The following DNAH14 variants were observed in gnomAD, a reference collection of about 807,000 sequenced individuals.
The protein encoded by DNAH14 is axonemal beta dynein heavy chain 14.
In DNAH14, 478 loss-of-function variants were observed where a neutral mutation model predicts 520.9. The observed-to-expected ratio is 0.92, with a 90% CI of 0.85 to 0.99. DNAH14 has a LOEUF of 0.99. DNAH14 is among the 50% of genes least tolerant of loss of function. DNAH14 has a pLI of 0.00. For missense variants in DNAH14, 4,831 were observed against 5,234.5 expected, an observed-to-expected ratio of 0.92 and a Z score of 2.38; for synonymous variants, 1,581 against 1,757.2, an observed-to-expected ratio of 0.90 and a Z score of 2.51.
chr1:225,150,709 T>C (rs563208245), intron 31 of DNAH14, among the ~76,000 whole-genome samples: 1 of 150,562 alleles, frequency 6.6e-6, no homozygotes, highest in Non-Finnish European at 1.5e-5. Flanking sequence ...TATTATCTGA[T>C]GGTTATTTGT....
At chr1:225,055,787 T>C (rs112424281) in intron 17 of DNAH14, among the ~76,000 whole-genome samples, 7 of 151,756 alleles carry the variant, frequency 4.6e-5, no homozygotes, top group African/African-American at 1.7e-4. Flanking sequence ...CATGTGGTGT[T>C]TGGTTTTTTG....
rs1465463226 is a variant in DNAH14 at position 225,100,783 on chromosome 1, C to T, written c.3766C>T (p.Gln1256Ter). The T allele has an allele frequency of 3.3e-6, 5 of 1,538,098 alleles. No homozygotes were observed. The East Asian group carries it at 1.2e-4, about 38-fold the overall frequency. ...SMWKKIMSKI[Q>*]NKQNALQITT... is the part of the protein sequence containing the mutation. ...GTGGAAAAAAATAATGTCAAAAATA[C>T]AAAACAAACAGAATGCTTTGCAGAT... Residue 1256 changes from glutamine to a stop codon, truncating the protein, a stop_gained, in exon 23 of 86, where the codon CAA becomes TAA. Coordinates refer to ENST00000682510, the MANE Select transcript of DNAH14 (RefSeq NM_001367479.1). LOFTEE classifies it high-confidence loss of function.
chr1:225,141,115 A>C, intron 28 of DNAH14, 94 bp downstream of exon 28: 1 of 1,304,554 alleles, frequency 7.7e-7, no homozygotes, highest in Non-Finnish European at 1.0e-6. Flanking sequence ...GTCAAACTTG[A>C]GTTTTAATTT....
chr1:225,019,219 G>C (rs2065457171), intron 10 of DNAH14, among the ~76,000 whole-genome samples: 1 of 144,358 alleles, frequency 6.9e-6, no homozygotes, highest in Non-Finnish European at 1.5e-5. Flanking sequence ...TAAAGGGTTA[G>C]AGAAAGACCT....
At chr1:225,081,412 T>C (rs965095858) in intron 19 of DNAH14, among the ~76,000 whole-genome samples, 3 of 152,188 alleles carry the variant, frequency 2.0e-5, no homozygotes, top group Non-Finnish European at 4.4e-5. Context: ...AAGAGAACAA[T>C]TGGGGGCAAA....
chr1:225,347,104 C>T (rs1236674104), intron 71 of DNAH14, among the ~76,000 whole-genome samples: 3 of 152,134 alleles, frequency 2.0e-5, no homozygotes, highest in African/African-American at 7.2e-5. Context: ...ATTGTCTAAA[C>T]TGTGGTCAAA....
At position 225,192,832 on chromosome 1, in the gene DNAH14, A is replaced by G. The variant is rs559346511; in HGVS notation, c.5807A>G (p.Tyr1936Cys). 3.2e-6 allele frequency: 5 copies of G among 1,550,302 alleles called. No individual in the cohort carries two copies. The highest frequency in any genetic ancestry group is 3.4e-4 in the Middle Eastern group (2 of 5,968). ...TTATTATCAGCAACAATTCGAAGTT[A>G]TGTATATTTTAACACACCAAAGAAC... ...DGLLSATIRS[Y>C]VYFNTPKNTK... The change falls in exon 38 of 86, where the codon TAT becomes TGT. Residue 1936 changes from tyrosine to cysteine, a missense_variant. By Grantham distance (194) the Tyr-to-Cys change is radical. Coordinates refer to ENST00000682510, the MANE Select transcript of DNAH14 (RefSeq NM_001367479.1).
chr1:225,225,464 C>G (rs1251260796), intron 41 of DNAH14, among the ~76,000 whole-genome samples: 1 of 152,126 alleles, frequency 6.6e-6, no homozygotes, highest in Non-Finnish European at 1.5e-5. Flanking sequence ...ACAATTTCAA[C>G]AATTCTGTCC....
intron 49 of DNAH14, among the ~76,000 whole-genome samples, chr1:225,268,276 C>A (rs984738882): frequency 7.2e-5 from 11 of 152,154 alleles, no homozygotes; most frequent in Non-Finnish European, 1.5e-4. Context: ...CAAAATTCAA[C>A]AACCCTTCAT....
At chr1:225,087,115 A>G (rs929833788) in intron 21 of DNAH14, among the ~76,000 whole-genome samples, 3 of 152,054 alleles carry the variant, frequency 2.0e-5, no homozygotes, top group African/African-American at 7.2e-5. Flanking sequence ...TGCCTTAACA[A>G]TACCACACAC....
chr1:225,359,329 A>G (rs1349093299), intron 74 of DNAH14, among the ~76,000 whole-genome samples: 3 of 152,200 alleles, frequency 2.0e-5, no homozygotes, highest in Non-Finnish European at 4.4e-5. Context: ...ACTCGCCCTT[A>G]TGTCTATGTC....
chr1:225,238,866 TG>T (rs901245779), intron 42 of DNAH14, among the ~76,000 whole-genome samples: 48 of 152,110 alleles, frequency 3.2e-4, no homozygotes, highest in African/African-American at 1.1e-3. Flanking sequence ...ACGAATGAAT[TG>T]GGGGTCCCTC....
chr1:225,370,559 C>T (rs565990180), intron 77 of DNAH14, among the ~76,000 whole-genome samples: 2 of 151,932 alleles, frequency 1.3e-5, no homozygotes, highest in Admixed American at 1.3e-4. Flanking sequence ...ATCTCAAAAA[C>T]AATGGAAATG....
chr1:225,067,154 T>A (rs185235420), intron 17 of DNAH14, among the ~76,000 whole-genome samples: 29 of 152,240 alleles, frequency 1.9e-4, no homozygotes, highest in African/African-American at 6.7e-4. Context: ...TGTGTGTTGT[T>A]CCCCTCTATG....
chr1:225,317,721 ACCCT>A (rs1214342386), intron 60 of DNAH14, among the ~76,000 whole-genome samples: 17 of 152,238 alleles, frequency 1.1e-4, no homozygotes, highest in Middle Eastern at 3.4e-3. Context: ...TGAAAATCTA[ACCCT>A]CCATTTACAA....
chr1:224,996,421 A>C (rs1250793973), intron 8 of DNAH14, among the ~76,000 whole-genome samples: 1 of 152,088 alleles, frequency 6.6e-6, no homozygotes, highest in Non-Finnish European at 1.5e-5. Context: ...TCAGCCTTCC[A>C]AAGTGTTGGG....
intron 43 of DNAH14, among the ~76,000 whole-genome samples, chr1:225,245,876 T>C (rs952098022): frequency 6.6e-6 from 1 of 152,110 alleles, no homozygotes; most frequent in African/African-American, 2.4e-5. Flanking sequence ...AAAACTACTT[T>C]AAATTTCATA....
intron 60 of DNAH14, among the ~76,000 whole-genome samples, chr1:225,313,788 G>A (rs113401785): frequency 0.081 from 12,337 of 152,208 alleles, 722 homozygotes; most frequent in East Asian, 0.26. Context: ...TAGTTTGATG[G>A]CACTGTGGTC....
chr1:225,127,786 G>A (rs925240812), intron 27 of DNAH14, among the ~76,000 whole-genome samples: 2 of 152,112 alleles, frequency 1.3e-5, no homozygotes, highest in Non-Finnish European at 2.9e-5. Context: ...ATTAGTTGAT[G>A]CAGTTTCTTC....
Sources: gnomAD v4.1 joint callset for allele counts (sites outside exome capture counted in the v4.1 genomes callset) on GRCh38, gnomAD v4.1.1 for gene constraint, MANE v1.5 for transcripts, NCBI Gene and HGNC (gene_info 2026-07-23, HGNC 2026-07-21) for gene names.